Variants in FLVCR1 observed in about 807,000 individuals in gnomAD.
FLVCR1 encodes the protein choline/ethanolamine transporter FLVCR1.
Under a neutral mutation model 53.6 loss-of-function variants are expected in FLVCR1, and 34 were observed. The ratio of observed to expected loss-of-function variants is 0.63; its 90% CI spans 0.48 to 0.84. FLVCR1 has a LOEUF of 0.84. FLVCR1 is among the 40% of genes least tolerant of loss of function. FLVCR1 has a pLI of 0.00. For synonymous variants in FLVCR1, 300 were observed against 286.3 expected (o/e 1.05, Z -0.48); for missense variants, 677 against 696.7 (o/e 0.97, Z 0.32).
Position 212,880,486 on chromosome 1 carries a change from T to A in FLVCR1, c.1025-2885T>A, listed in dbSNP as rs183447641. 3.9e-3 allele frequency among the ~76,000 whole-genome samples: 588 copies of A among 152,262 alleles called. 9 individuals are homozygous for A. Among genetic ancestry groups the A allele is most frequent in the Non-Finnish European group, 5.4e-3 (369 of 68,004 alleles). ...CCAGAGACCTACCTTGGGTGTCACT[T>A]GACCTAGGCTAGCTTATATTAATCC... On this transcript the variant is annotated intron_variant, in intron 3 of 9. Transcript: ENST00000366971.
intron 2 of FLVCR1, among the ~76,000 whole-genome samples, chr1:212,871,031 A>G (rs898633860): frequency 6.6e-6 from 1 of 152,138 alleles, no homozygotes; most frequent in African/African-American, 2.4e-5. Context: ...CGGCCTCCCA[A>G]AGTGCTGGGA....
At position 212,863,865 on chromosome 1, in the gene FLVCR1, A is replaced by T. The variant is rs1368936092; in HGVS notation, c.879A>T (p.Ala293=). 3 of 1,612,382 alleles carry T rather than the reference A, an allele frequency of 1.9e-6. No homozygotes were observed. ...CCACACTTTTATTTATTTTAACAGC[A>T]ATTGGTAAGTGAATTACTTTCCCTA... ...AVATLLFILT[A]IAFKEKPRYP... Residue 293 remains alanine (A), a synonymous_variant, in exon 2 of 10, where the codon GCA becomes GCT. Transcript: ENST00000366971.
intron 8 of FLVCR1, among the ~76,000 whole-genome samples, chr1:212,892,111 A>G (rs944315271): frequency 1.3e-5 from 2 of 152,284 alleles, no homozygotes; most frequent in African/African-American, 4.8e-5. Context: ...AGTTGTCTTC[A>G]TAACATAAAA....
At position 212,896,047 on chromosome 1, in the gene FLVCR1, G is replaced by A. The variant is rs1248833304; in HGVS notation, c.*757G>A. The A allele has an allele frequency of 6.6e-6, 1 of 151,912 alleles. No homozygotes were observed. Among genetic ancestry groups the A allele is most frequent in the East Asian group, 1.9e-4 (1 of 5,182 alleles). 9.4% of individuals were successfully genotyped at this position (151,912 alleles called of 1,614,324 possible). ...CTTTTCTGTGCTGCCTTTCTATCATGGATAAATGCTAACGCTGTATTTTTT... is the reference window on the plus strand; with the variant it reads ...CTTTTCTGTGCTGCCTTTCTATCATAGATAAATGCTAACGCTGTATTTTTT... On this transcript the variant is annotated 3_prime_UTR_variant, in exon 10 of 10. Coordinates refer to ENST00000366971, the MANE Select transcript of FLVCR1 (RefSeq NM_014053.4).
At chr1:212,866,463 T>G (rs1044430129) in intron 2 of FLVCR1, among the ~76,000 whole-genome samples, 1 of 132,242 alleles carries the variant, frequency 7.6e-6, no homozygotes, top group African/African-American at 2.6e-5. Context: ...TTCACATAAA[T>G]TCTGATTTTC....
At chr1:212,881,325 A>G (rs1382087150) in intron 3 of FLVCR1, among the ~76,000 whole-genome samples, 2 of 124,836 alleles carry the variant, frequency 1.6e-5, no homozygotes, top group African/African-American at 2.8e-5. Flanking sequence ...TTTTTGAGAC[A>G]GAGTCTCACT....
At chr1:212,885,546 GTTTC>G in intron 5 of FLVCR1, 150 bp downstream of exon 5, 1 of 289,694 alleles carries the variant, frequency 3.5e-6, no homozygotes, top group Non-Finnish European at 6.1e-6. Context: ...CTTAACAAGT[GTTTC>G]TTTTTTTTTT....
intron 5 of FLVCR1, 173 bp downstream of exon 5, chr1:212,885,569 G>A (rs7544562): frequency 3.1e-5 from 10 of 320,048 alleles, no homozygotes; most frequent in East Asian, 6.7e-5. Context: ...TTTTTTTTTT[G>A]AGACGGAGTC....
At chr1:212,864,756 A>G (rs937429132) in intron 2 of FLVCR1, among the ~76,000 whole-genome samples, 7 of 152,222 alleles carry the variant, frequency 4.6e-5, no homozygotes, top group Non-Finnish European at 8.8e-5. Flanking sequence ...AGTTTTTACA[A>G]TGGCTATAAT....
In FLVCR1 at chr1:212,863,806, A is replaced by G. The variant is rs1664322770; in HGVS notation, c.820A>G (p.Ile274Val). The change falls in exon 2 of 10, where the codon ATC becomes GTC. Residue 274 changes from isoleucine (I) to valine (V), a missense_variant. Coordinates refer to ENST00000366971, the MANE Select transcript of FLVCR1 (RefSeq NM_014053.4). ...TGACACAAATCTCCTGGCTTGTAAT[A>G]TCAGCACCATGTTTTATGGAACATC... ...QNDTNLLACN[I>V]STMFYGTSAV... 1 of 1,613,906 alleles carries G rather than the reference A, an allele frequency of 6.2e-7. No individual in the cohort carries two copies. Among genetic ancestry groups the G allele is most frequent in the Non-Finnish European group, 8.5e-7 (1 of 1,179,778 alleles).
At chr1:212,864,149 T>C (rs1354039447) in intron 2 of FLVCR1, among the ~76,000 whole-genome samples, 8 of 152,254 alleles carry the variant, frequency 5.3e-5, no homozygotes, top group African/African-American at 1.9e-4. Context: ...ACCTGCCTCC[T>C]CTTCCCATAT....
At chr1:212,866,895 T>A (rs1664451894) in intron 2 of FLVCR1, among the ~76,000 whole-genome samples, 2 of 152,236 alleles carry the variant, frequency 1.3e-5, no homozygotes, top group African/African-American at 2.4e-5. Flanking sequence ...TATGAAAGTC[T>A]TAAGTTGAAA....
rs921014173 is a variant in FLVCR1, at chr1:212,899,006, T to C, written c.*3716T>C. 1 of 152,242 alleles carries C rather than the reference T, an allele frequency of 6.6e-6. No individual in the cohort carries two copies. Among genetic ancestry groups the C allele is most frequent in the Non-Finnish European group, 1.5e-5 (1 of 68,032 alleles). 9.4% of individuals were successfully genotyped at this position (152,242 alleles called of 1,614,324 possible). A position where few individuals can be genotyped will look rare whatever the true frequency, so the allele number is the denominator to read the frequency against. On this transcript the variant is annotated 3_prime_UTR_variant, in exon 10 of 10. Transcript: ENST00000366971. Reference sequence around the variant, plus strand: ...CCATTATAATCTTATAGGATCTCTGTCATATGTGGTCAATTGTTGATCGAA... The same window carrying C: ...CCATTATAATCTTATAGGATCTCTGCCATATGTGGTCAATTGTTGATCGAA...
intron 6 of FLVCR1, 25 bp from the exon 7 acceptor site, chr1:212,888,464 T>C (rs763440008): frequency 1.3e-6 from 2 of 1,506,616 alleles, no homozygotes; most frequent in South Asian, 2.3e-5. Flanking sequence ...TAGTTCTTTC[T>C]GTAATTCTGG....
chr1:212,881,948 G>A (rs1384674544), intron 3 of FLVCR1, among the ~76,000 whole-genome samples: 1 of 152,126 alleles, frequency 6.6e-6, no homozygotes, highest in Non-Finnish European at 1.5e-5. Flanking sequence ...CAGTAATCAA[G>A]GAAATACAAA....
chr1:212,880,769 C>T (rs1403824038), intron 3 of FLVCR1, among the ~76,000 whole-genome samples: 1 of 148,946 alleles, frequency 6.7e-6, no homozygotes, highest in Non-Finnish European at 1.5e-5. Context: ...TCACTCCATC[C>T]TGAGCAACAG....
intron 8 of FLVCR1, 130 bp from the exon 9 acceptor site, chr1:212,894,856 G>A: frequency 1.3e-6 from 1 of 744,094 alleles, no homozygotes; most frequent in Non-Finnish European, 2.5e-6. Context: ...TTTTTAGGCT[G>A]TTGGGATGCT....
chr1:212,878,533 CAAAAAA>C (rs58243050), intron 3 of FLVCR1, among the ~76,000 whole-genome samples: 3,898 of 112,792 alleles, frequency 0.035, 65 homozygotes, highest in South Asian at 0.052. Flanking sequence ...GTCTCCGTCT[CAAAAAA>C]AAAAAAAAAA....
intron 1 of FLVCR1, among the ~76,000 whole-genome samples, chr1:212,860,350 G>GGTTTTTTTTTTTTTTTTTTTT (rs1664185476): frequency 1.2e-5 from 1 of 85,824 alleles, no homozygotes; most frequent in Non-Finnish European, 2.4e-5. Context: ...TGTGTGTGTG[G>GGTTTTTTTTTTTTTTTTTTTT]TTTTTTTTTT....
Sources: allele counts gnomAD v4.1 joint callset (sites outside exome capture counted in the v4.1 genomes callset), GRCh38; gene constraint gnomAD v4.1.1; transcripts MANE v1.5; gene names NCBI Gene and HGNC (gene_info 2026-07-23, HGNC 2026-07-21).